Variants in GPRIN3 observed in about 807,000 individuals in gnomAD.
GPRIN3 encodes the protein G protein-regulated inducer of neurite outgrowth 3.
Under a neutral mutation model 13.7 loss-of-function variants are expected in GPRIN3, and 12 were observed. The observed-to-expected ratio is 0.87, with a 90% CI of 0.56 to 1.42. The LOEUF (loss-of-function observed/expected upper bound fraction) is 1.42. GPRIN3 is among the 40% of genes most tolerant of loss of function. The pLI is 0.00. For synonymous variants in GPRIN3, 377 were observed against 372.7 expected (o/e 1.01, Z -0.13); for missense variants, 1,009 against 958.7 (o/e 1.05, Z -0.69).
intron 1 of GPRIN3, among the ~76,000 whole-genome samples, chr4:89,254,346 C>T (rs561063520): frequency 8.3e-4 from 126 of 151,940 alleles, no homozygotes; most frequent in African/African-American, 2.9e-3. Context: ...AAGCCTAGTA[C>T]CCATTAGTTA....
chr4:89,248,233 G>A lies in GPRIN3; in HGVS notation c.1878C>T (p.Arg626=). 6.2e-7 allele frequency: 1 copy of A among 1,614,188 alleles called. No homozygotes were observed. Residue 626 remains arginine (R), a synonymous_variant, in exon 2 of 2, where the codon CGC becomes CGT. Coordinates refer to ENST00000609438, the MANE Select transcript of GPRIN3 (RefSeq NM_198281.3). ...GCCTGCGTGGGCTGGCTTTGACGGA[G>A]CGAGATGGGGTCTTCTTGCCAGAAC... ...SPGSGKKTPS[R]SVKASPRRPS...
chr4:89,301,428 C>A (rs1466500041), intron 1 of GPRIN3, among the ~76,000 whole-genome samples: 1 of 152,060 alleles, frequency 6.6e-6, no homozygotes, highest in African/African-American at 2.4e-5. Flanking sequence ...TATTTGCAGG[C>A]TAATTACATT....
At chr4:89,281,783 T>C (rs920740825) in intron 1 of GPRIN3, among the ~76,000 whole-genome samples, 9 of 152,192 alleles carry the variant, frequency 5.9e-5, no homozygotes, top group Admixed American at 6.5e-5. Flanking sequence ...GAAACTAAAA[T>C]ACCCTCTCTA....
chr4:89,281,962 CTTTTT>C (rs34213357), intron 1 of GPRIN3, among the ~76,000 whole-genome samples: 1 of 136,544 alleles, frequency 7.3e-6, no homozygotes. Flanking sequence ...ATGCAGTCAT[CTTTTT>C]TTTTTTTTTT....
Position 89,249,420 on chromosome 4 carries a change from C to G in GPRIN3, c.691G>C (p.Glu231Gln), listed in dbSNP as rs1437113529. 3.1e-6 allele frequency: 5 copies of G among 1,614,016 alleles called. No homozygotes were observed. The highest frequency in any genetic ancestry group is 3.4e-6 in the Non-Finnish European group (4 of 1,180,024). The change falls in exon 2 of 2, where the codon GAA becomes CAA. Residue 231 changes from glutamate (E) to glutamine (Q), a missense_variant. Glu to Gln is a conservative substitution (Grantham distance 29). Coordinates refer to ENST00000609438, the MANE Select transcript of GPRIN3 (RefSeq NM_198281.3). ...GERQGAICDS[E>Q]MRSCKPLTRE... ...GTTAGAGGTTTACAGGACCTCATTT[C>G]AGAGTCACAGATGGCTCCCTGCCTT...
At chr4:89,252,286 T>G (rs1469403165) in intron 1 of GPRIN3, among the ~76,000 whole-genome samples, 2 of 152,158 alleles carry the variant, frequency 1.3e-5, no homozygotes, top group Non-Finnish European at 2.9e-5. Flanking sequence ...AAGCATTTTT[T>G]TAGAAAGAAT....
chr4:89,256,041 C>T (rs958954059), intron 1 of GPRIN3, among the ~76,000 whole-genome samples: 2 of 152,120 alleles, frequency 1.3e-5, no homozygotes, highest in Admixed American at 6.6e-5. Context: ...CCACCTTTTA[C>T]AGGGAGGGAA....
Position 89,241,727 on chromosome 4 carries a change from T to A in GPRIN3, c.*6053A>T, listed in dbSNP as rs1722951727. 1 of 152,242 alleles carries A rather than the reference T, an allele frequency of 6.6e-6. No individual in the cohort carries two copies. The highest frequency in any genetic ancestry group is 1.9e-4 in the East Asian group (1 of 5,184). The allele number at this position is 152,242 out of a possible 1,614,324, so 9.4% of individuals were successfully genotyped here. ...TTAGGAAAAATAAGTTACGTAAAGA[T>A]GTGATCTAAAATAAATGTTAAGGAA... On this transcript the variant is annotated 3_prime_UTR_variant, in exon 2 of 2. Transcript: ENST00000609438.
intron 1 of GPRIN3, among the ~76,000 whole-genome samples, chr4:89,288,285 C>A (rs773479226): frequency 6.6e-6 from 1 of 152,156 alleles, no homozygotes; most frequent in Non-Finnish European, 1.5e-5. Flanking sequence ...GCTTGGCTTT[C>A]TAGATCAAGA....
intron 1 of GPRIN3, among the ~76,000 whole-genome samples, chr4:89,293,146 A>G (rs964208391): frequency 2.6e-5 from 4 of 152,252 alleles, no homozygotes; most frequent in African/African-American, 9.6e-5. Context: ...CTTCTTAAAC[A>G]TAGTTCATGA....
chr4:89,253,784 C>A (rs1723393223), intron 1 of GPRIN3, among the ~76,000 whole-genome samples: 1 of 150,976 alleles, frequency 6.6e-6, no homozygotes, highest in Admixed American at 6.6e-5. Context: ...CACTTGAAAT[C>A]TCTGTATTTA....
At chr4:89,288,970 C>T (rs1490979446) in intron 1 of GPRIN3, among the ~76,000 whole-genome samples, 1 of 151,994 alleles carries the variant, frequency 6.6e-6, no homozygotes, top group Non-Finnish European at 1.5e-5. Context: ...CTCACGGCAT[C>T]GTTTTCACCA....
intron 1 of GPRIN3, among the ~76,000 whole-genome samples, chr4:89,263,403 C>T (rs1026210127): frequency 5.3e-5 from 8 of 152,152 alleles, no homozygotes; most frequent in Non-Finnish European, 8.8e-5. Context: ...TGTGCACTGG[C>T]GGGAATGTGC....
Position 89,248,589 on chromosome 4 carries a change from C to T in GPRIN3, c.1522G>A (p.Asp508Asn). Residue 508 changes from aspartate (D) to asparagine (N), a missense_variant, in exon 2 of 2, where the codon GAT becomes AAT. Transcript: ENST00000609438. ...CCACAAGAGTCAGATAGTTTGCAAT[C>T]TGGGTCTGTTTTGTGGCCGTTTGTC... The part of the protein sequence containing the change: ...KTTNGHKTDP[D>N]CKLSDSCGSI... 6.2e-7 allele frequency: 1 copy of T among 1,613,552 alleles called. No individual in the cohort carries two copies. Among genetic ancestry groups the T allele is most frequent in the Non-Finnish European group, 8.5e-7 (1 of 1,179,486 alleles).
Position 89,279,790 on chromosome 4 carries a change from TC to T in GPRIN3, c.-124+27824del, listed in dbSNP as rs201336856. ...TTCCTCCTTAATGCCATTCTTCAGT[TC>T]TTTTTTCTCAGTTCATTTCCTAAAT... is the stretch of plus-strand genomic sequence containing the variant. On this transcript the variant is annotated intron_variant, in intron 1 of 1. Transcript: ENST00000609438. 8.5e-3 allele frequency among the ~76,000 whole-genome samples: 1,294 copies of T among 152,340 alleles called. 16 individuals are homozygous for T. Among genetic ancestry groups the T allele is most frequent in the South Asian group, 0.027 (131 of 4,830 alleles).
rs1166101646 is a variant in GPRIN3, at chr4:89,249,935, C to T, written c.176G>A (p.Arg59Lys). The T allele has an allele frequency of 6.2e-7, 1 of 1,614,058 alleles. No individual in the cohort carries two copies. Among genetic ancestry groups the T allele is most frequent in the Non-Finnish European group, 8.5e-7 (1 of 1,180,028 alleles). The stretch of plus-strand genomic sequence containing the variant: ...CTGCATCAGGGCTTCGGCAGCTGCC[C>T]TGGGGCTGAGGTCTGGTTCTGCAGG... ...GAPAEPDLSP[R>K]AAAEALMQVC... The change falls in exon 2 of 2, where the codon AGG becomes AAG. Residue 59 changes from arginine to lysine, a missense_variant. Physicochemically the swap from Arg to Lys is conservative, Grantham distance 26 (BLOSUM62 2). Coordinates refer to ENST00000609438, the MANE Select transcript of GPRIN3 (RefSeq NM_198281.3).
rs572701515 is a variant in GPRIN3, at chr4:89,240,065, T to A, written c.*7715A>T. The A allele has an allele frequency of 1.4e-4, 22 of 152,264 alleles. No homozygotes were observed. In the South Asian group the frequency reaches 4.4e-3, roughly 30 times the overall value. 9.4% of individuals were successfully genotyped at this position (152,264 alleles called of 1,614,324 possible). A position where few individuals can be genotyped will look rare whatever the true frequency, so the allele number is the denominator to read the frequency against. On this transcript the variant is annotated 3_prime_UTR_variant, in exon 2 of 2. Transcript: ENST00000609438. ...TTAAGAACCAGGTGAGACTTTTTGA[T>A]CCCTAATAGAGCACTTCCTTTGAGA...
intron 1 of GPRIN3, among the ~76,000 whole-genome samples, chr4:89,273,253 T>C (rs1724007727): frequency 1.3e-5 from 2 of 152,154 alleles, no homozygotes; most frequent in African/African-American, 4.8e-5. Flanking sequence ...ATTACATCAA[T>C]TTAGAATGTA....
intron 1 of GPRIN3, among the ~76,000 whole-genome samples, chr4:89,303,880 A>T (rs767731999): frequency 7.3e-6 from 1 of 137,594 alleles, no homozygotes; most frequent in African/African-American, 2.8e-5. Context: ...AATGAAATTT[A>T]TTTTTTTAAA....
Sources: gnomAD v4.1 joint callset for allele counts (sites outside exome capture counted in the v4.1 genomes callset) on GRCh38, gnomAD v4.1.1 for gene constraint, MANE v1.5 for transcripts, NCBI Gene and HGNC (gene_info 2026-07-23, HGNC 2026-07-21) for gene names.